Variants in ACKR3 observed in about 807,000 individuals in gnomAD.
The protein encoded by ACKR3 is atypical chemokine receptor 3.
Under a neutral mutation model 22.4 loss-of-function variants are expected in ACKR3, and 6 were observed. The ratio of observed to expected loss-of-function variants is 0.27; its 90% confidence interval spans 0.15 to 0.53. The LOEUF (loss-of-function observed/expected upper bound fraction) is 0.53, where lower values mean the gene tolerates loss of function less well. ACKR3 is among the 20% of genes least tolerant of loss of function. The pLI is 0.96. For synonymous variants in ACKR3, 209 were observed against 205.2 expected, an observed-to-expected ratio of 1.02 and a Z score of -0.16; for missense variants, 396 against 475.2, an observed-to-expected ratio of 0.83 and a Z score of 1.55.
chr2:236,545,694 T>C, the ACKR3 span, among the ~76,000 whole-genome samples: 4 of 152,244 alleles, frequency 2.6e-5, no homozygotes, highest in African/African-American at 9.6e-5. The surrounding 1 kb of genome is among the most constrained non-coding windows in gnomAD (Gnocchi z 5.3). Context: ...TTTCATGGTA[T>C]ATGACACGGA....
At chr2:236,545,156 T>C in the ACKR3 span, among the ~76,000 whole-genome samples, 3 of 152,196 alleles carry the variant, frequency 2.0e-5, no homozygotes, top group African/African-American at 4.8e-5. This position sits in a 1 kb window ranked among gnomAD's most constrained non-coding sequence, Gnocchi z 5.3. Flanking sequence ...GTCCTTTCTG[T>C]GCCTTCGTCA....
At chr2:236,579,210 C>T (rs1224777967) in intron 1 of ACKR3, among the ~76,000 whole-genome samples, 1 of 152,210 alleles carries the variant, frequency 6.6e-6, no homozygotes, top group Non-Finnish European at 1.5e-5. Context: ...CTTGATCCTC[C>T]AGGAAATTCT....
chr2:236,578,898 A>G (rs968077496), intron 1 of ACKR3, among the ~76,000 whole-genome samples: 1 of 152,174 alleles, frequency 6.6e-6, no homozygotes, highest in African/African-American at 2.4e-5. Flanking sequence ...TAGGTGGGAG[A>G]ATCCCCAGGG....
upstream of ACKR3, among the ~76,000 whole-genome samples, chr2:236,564,247 C>G (rs757840518): frequency 6.6e-6 from 1 of 152,170 alleles, no homozygotes; most frequent in Non-Finnish European, 1.5e-5. Flanking sequence ...CTAAAGGGTA[C>G]CTAGGGGTGT....
rs1224476125 is a variant in ACKR3 at position 236,580,688 on chromosome 2, A to G, written c.223A>G (p.Thr75Ala). The change falls in exon 2 of 2, where the codon ACA becomes GCA. Residue 75 changes from threonine to alanine, a missense_variant. Physicochemically the swap from Thr to Ala is moderately conservative, Grantham distance 58. Transcript: ENST00000272928. Reference sequence around the variant, plus strand: ...CTGGGTGAATATCCAGGCCAAGACCACAGGCTATGACACGCACTGCTACAT... The same window carrying G: ...CTGGGTGAATATCCAGGCCAAGACCGCAGGCTATGACACGCACTGCTACAT... ...VVWVNIQAKT[T>A]GYDTHCYILN... The G allele has an allele frequency of 4.3e-6, 7 of 1,614,172 alleles. No individual in the cohort carries two copies. Among genetic ancestry groups the G allele is most frequent in the South Asian group, 2.2e-5 (2 of 91,078 alleles).
the ACKR3 span, among the ~76,000 whole-genome samples, chr2:236,543,975 A>G: frequency 1.6e-5 from 1 of 61,174 alleles, no homozygotes; most frequent in Non-Finnish European, 2.7e-5. Flanking sequence ...ATATATATAT[A>G]TATATATATA....
At chr2:236,545,587 G>T in the ACKR3 span, among the ~76,000 whole-genome samples, 1 of 152,192 alleles carries the variant, frequency 6.6e-6, no homozygotes, top group African/African-American at 2.4e-5. This position sits in a 1 kb window ranked among gnomAD's most constrained non-coding sequence, Gnocchi z 5.3. Context: ...GGGCTCCGGG[G>T]AAGAATGAGT....
chr2:236,557,017 T>C, the ACKR3 span, among the ~76,000 whole-genome samples: 1 of 152,160 alleles, frequency 6.6e-6, no homozygotes, highest in Non-Finnish European at 1.5e-5. Context: ...ACTAACATTA[T>C]GGTGATTTGT....
the ACKR3 span, among the ~76,000 whole-genome samples, chr2:236,552,058 C>T: frequency 6.6e-6 from 1 of 152,170 alleles, no homozygotes; most frequent in Non-Finnish European, 1.5e-5. Context: ...GGTCTCTACC[C>T]CCGTAGAACT....
rs371788658 is a variant in ACKR3 at position 236,580,872 on chromosome 2, C to G, written c.407C>G (p.Thr136Arg). The change falls in exon 2 of 2, where the codon ACG (threonine) becomes AGG (arginine). Residue 136 changes from threonine to arginine, a missense_variant. Thr to Arg is a moderately conservative substitution (Grantham distance 71). Coordinates refer to ENST00000272928, the MANE Select transcript of ACKR3 (RefSeq NM_020311.3). ...INLFGSIFFL[T>R]CMSVDRYLSI... ...CTCTTCGGCAGCATTTTCTTCCTCA[C>G]GTGCATGAGCGTGGACCGCTACCTC... 6.2e-7 allele frequency: 1 copy of G among 1,614,224 alleles called. No individual in the cohort carries two copies. The highest frequency in any genetic ancestry group is 8.5e-7 in the Non-Finnish European group (1 of 1,180,042).
the ACKR3 span, among the ~76,000 whole-genome samples, chr2:236,551,878 T>C: frequency 5.3e-5 from 8 of 152,138 alleles, no homozygotes; most frequent in South Asian, 2.1e-4. Flanking sequence ...CACCCGACTC[T>C]GAGACAGCGT....
the ACKR3 span, among the ~76,000 whole-genome samples, chr2:236,560,316 CTTT>C: frequency 9.3e-5 from 11 of 118,914 alleles, no homozygotes; most frequent in Admixed American, 1.7e-4. Context: ...CACTTGTTGC[CTTT>C]TTTTTTTTTT....
chr2:236,539,096 G>T, the ACKR3 span, among the ~76,000 whole-genome samples: 150 of 152,140 alleles, frequency 9.9e-4, 4 homozygotes, highest in African/African-American at 3.5e-3. Context: ...TGCCTCTATT[G>T]TAGTTTGTTC....
the ACKR3 span, among the ~76,000 whole-genome samples, chr2:236,555,828 A>G: frequency 2.6e-5 from 4 of 152,132 alleles, no homozygotes; most frequent in Non-Finnish European, 2.9e-5. Context: ...AGGAAAAAAA[A>G]AAAAAAAAGA....
At chr2:236,537,822 CA>C in the ACKR3 span, among the ~76,000 whole-genome samples, 3 of 152,230 alleles carry the variant, frequency 2.0e-5, no homozygotes, top group Non-Finnish European at 2.9e-5. Context: ...GCATTTTCTC[CA>C]AAAGGGTTAA....
At chr2:236,552,595 C>T in the ACKR3 span, among the ~76,000 whole-genome samples, 2 of 152,066 alleles carry the variant, frequency 1.3e-5, no homozygotes, top group Non-Finnish European at 1.5e-5. Flanking sequence ...TAAATGCTTG[C>T]TATTGTTAAA....
At chr2:236,573,930 G>A (rs140345784) in intron 1 of ACKR3, among the ~76,000 whole-genome samples, 1,557 of 152,298 alleles carry the variant, frequency 0.01, 38 homozygotes, top group African/African-American at 0.036. Context: ...CAGGCTGGGT[G>A]ACTCTACCCA....
chr2:236,560,671 T>C, the ACKR3 span, among the ~76,000 whole-genome samples: 1 of 152,166 alleles, frequency 6.6e-6, no homozygotes, highest in African/African-American at 2.4e-5. Context: ...GCTGTGCAGG[T>C]TTTTAGTTTG....
chr2:236,564,023 C>T (rs1240762992), upstream of ACKR3, among the ~76,000 whole-genome samples: 2 of 152,174 alleles, frequency 1.3e-5, no homozygotes, highest in Non-Finnish European at 1.5e-5. Flanking sequence ...TAAGGCCCAC[C>T]GGCCTCTGAC....
Sources: allele counts gnomAD v4.1 joint callset (sites outside exome capture counted in the v4.1 genomes callset), GRCh38; gene constraint gnomAD v4.1.1; non-coding constraint Gnocchi (gnomAD v3.1); transcripts MANE v1.5; gene names NCBI Gene and HGNC (gene_info 2026-07-23, HGNC 2026-07-21).